SEMA3E: variants seen among roughly 807,000 people sequenced by gnomAD.
SEMA3E encodes semaphorin-3E.
A neutral mutation model predicts 93.6 loss-of-function variants in SEMA3E; 49 were observed. That is an observed-to-expected ratio of 0.52 (90% CI 0.42 to 0.66). The LOEUF (loss-of-function observed/expected upper bound fraction) is 0.66. Among genes scored for constraint, SEMA3E ranks in the 30% least tolerant of loss-of-function variants. The pLI is 0.00. For missense variants in SEMA3E, 906 were observed against 964.8 expected (o/e 0.94, Z 0.81); for synonymous variants, 363 against 330.7 (o/e 1.10, Z -1.06).
intron 14 of SEMA3E, among the ~76,000 whole-genome samples, chr7:83,390,368 T>A (rs1200551239): frequency 6.6e-6 from 1 of 151,964 alleles, no homozygotes; most frequent in Non-Finnish European, 1.5e-5. Flanking sequence ...TATTCTTATA[T>A]CTCTAGTCTT....
At chr7:83,546,612 A>G (rs1441797813) in intron 1 of SEMA3E, among the ~76,000 whole-genome samples, 1 of 152,098 alleles carries the variant, frequency 6.6e-6, no homozygotes, top group East Asian at 1.9e-4. Context: ...GATCAACATT[A>G]GATTTGTATC....
intron 1 of SEMA3E, among the ~76,000 whole-genome samples, chr7:83,635,139 T>C (rs1280686279): frequency 6.6e-6 from 1 of 152,044 alleles, no homozygotes; most frequent in East Asian, 1.9e-4. Flanking sequence ...TTTGTGACAA[T>C]GTCAAGCTTA....
intron 4 of SEMA3E, among the ~76,000 whole-genome samples, chr7:83,427,179 TCTTC>T (rs893483767): frequency 5.3e-5 from 8 of 152,008 alleles, no homozygotes; most frequent in African/African-American, 7.2e-5. Flanking sequence ...GACTTTTCTT[TCTTC>T]CTTCCTTCCT....
intron 4 of SEMA3E, among the ~76,000 whole-genome samples, chr7:83,443,313 G>C (rs1305997044): frequency 1.3e-5 from 2 of 152,092 alleles, no homozygotes; most frequent in African/African-American, 4.8e-5. Context: ...ACATGAAAGA[G>C]CCCATTAGGT....
rs532120852 is a variant in SEMA3E, at chr7:83,452,555, C to A, written c.456+13927G>T. 3.9e-5 allele frequency among the ~76,000 whole-genome samples: 6 copies of A among 152,302 alleles called. No homozygotes were observed. In the East Asian group the frequency reaches 1.2e-3, roughly 30 times the overall value. On this transcript the variant is annotated intron_variant, in intron 4 of 16. Transcript: ENST00000643230. ...GCAAGAGAGTGAGGTTTCTTACTAA[C>A]TGCCTCACACACAGGAAGGATGCAA...
At position 83,490,173 on chromosome 7, in the gene SEMA3E, C is replaced by A; in HGVS notation, c.217G>T (p.Gly73Ter). 6.2e-7 allele frequency: 1 copy of A among 1,613,034 alleles called. No individual in the cohort carries two copies. The highest frequency in any genetic ancestry group is 8.5e-7 in the Non-Finnish European group (1 of 1,179,420). ...AGGGAATATACAAGGTCCCTGCCTC[C>A]CACGAAGAGCCTCTCTTGATATTCA... The part of the protein sequence containing the change: ...LDEYQERLFV[G>*]GRDLVYSLSL... The change falls in exon 2 of 17, where the codon GGA (glycine) becomes TGA (stop). Residue 73 changes from glycine to a stop codon, truncating the protein, a stop_gained. Transcript: ENST00000643230. LOFTEE classifies it high-confidence loss of function.
intron 2 of SEMA3E, among the ~76,000 whole-genome samples, chr7:83,483,900 G>A (rs1790198862): frequency 6.6e-6 from 1 of 152,152 alleles, no homozygotes. Flanking sequence ...ACGTACCGCT[G>A]TTGACCATAG....
intron 4 of SEMA3E, among the ~76,000 whole-genome samples, chr7:83,437,004 A>G (rs1789018599): frequency 6.6e-6 from 1 of 152,144 alleles, no homozygotes; most frequent in Admixed American, 6.6e-5. Flanking sequence ...CTTGTGCAGG[A>G]AAACTCACCC....
chr7:83,460,475 G>A (rs1447118445), intron 4 of SEMA3E, among the ~76,000 whole-genome samples: 1 of 151,902 alleles, frequency 6.6e-6, no homozygotes, highest in Non-Finnish European at 1.5e-5. Context: ...ATCATTGCAG[G>A]GACGCCGCTC....
chr7:83,643,662 T>C (rs1562867709), intron 1 of SEMA3E, among the ~76,000 whole-genome samples: 1 of 151,990 alleles, frequency 6.6e-6, no homozygotes, highest in Non-Finnish European at 1.5e-5. Flanking sequence ...CACTCTAAAA[T>C]TCATAGGAAG....
intron 1 of SEMA3E, among the ~76,000 whole-genome samples, chr7:83,568,150 A>G (rs1411419259): frequency 1.3e-5 from 2 of 152,158 alleles, no homozygotes; most frequent in African/African-American, 4.8e-5. Flanking sequence ...AAATTCCTGG[A>G]TACATACAAT....
At chr7:83,556,785 T>A (rs1791904477) in intron 1 of SEMA3E, among the ~76,000 whole-genome samples, 1 of 152,300 alleles carries the variant, frequency 6.6e-6, no homozygotes, top group South Asian at 2.1e-4. Flanking sequence ...GTCTGGTCAT[T>A]GGGAGGTCAT....
At chr7:83,457,551 T>C (rs1487196704) in intron 4 of SEMA3E, among the ~76,000 whole-genome samples, 1 of 152,210 alleles carries the variant, frequency 6.6e-6, no homozygotes, top group Non-Finnish European at 1.5e-5. Context: ...GAAACTCTCC[T>C]GCTGAGCAGC....
At chr7:83,617,103 T>C (rs897003467) in intron 1 of SEMA3E, among the ~76,000 whole-genome samples, 1 of 152,168 alleles carries the variant, frequency 6.6e-6, no homozygotes, top group African/African-American at 2.4e-5. Context: ...TTAAGAATTA[T>C]TGTTTTAAAT....
At chr7:83,559,859 A>C (rs1160178474) in intron 1 of SEMA3E, among the ~76,000 whole-genome samples, 1 of 152,058 alleles carries the variant, frequency 6.6e-6, no homozygotes, top group Non-Finnish European at 1.5e-5. Context: ...ACTATGCTGC[A>C]TCCTGACAAT....
intron 2 of SEMA3E, among the ~76,000 whole-genome samples, chr7:83,487,743 G>A (rs1474994661): frequency 6.7e-6 from 1 of 148,612 alleles, no homozygotes; most frequent in Non-Finnish European, 1.5e-5. Context: ...GAGAGAGGAA[G>A]AGTGAAAGAG....
chr7:83,417,429 A>C (rs1206197879), intron 5 of SEMA3E, among the ~76,000 whole-genome samples: 1 of 152,114 alleles, frequency 6.6e-6, no homozygotes, highest in Non-Finnish European at 1.5e-5. Context: ...AGAGAGTTTT[A>C]AGTTTTAATC....
At chr7:83,418,789 A>G (rs1237662628) in intron 4 of SEMA3E, among the ~76,000 whole-genome samples, 4 of 152,216 alleles carry the variant, frequency 2.6e-5, no homozygotes, top group African/African-American at 9.6e-5. Flanking sequence ...ATTTGAAAGG[A>G]ATTGAAACTT....
chr7:83,639,110 CAAAAAAAAAAAAAAAAAAA>C (rs1172097095), intron 1 of SEMA3E, among the ~76,000 whole-genome samples: 3 of 27,436 alleles, frequency 1.1e-4, no homozygotes, highest in Non-Finnish European at 1.8e-4. Flanking sequence ...GACTCCGTCT[CAAAAAAAAAAAAAAAAAAA>C]AAAAAAAAAA....
Sources: allele counts gnomAD v4.1 joint callset (sites outside exome capture counted in the v4.1 genomes callset), GRCh38; gene constraint gnomAD v4.1.1; transcripts MANE v1.5; gene names NCBI Gene and HGNC (gene_info 2026-07-23, HGNC 2026-07-21).